Variants in PTPRM observed in about 807,000 individuals in gnomAD.
PTPRM encodes receptor-type tyrosine-protein phosphatase mu.
In PTPRM, 47 loss-of-function variants were observed where a neutral mutation model predicts 186.7. The ratio of observed to expected loss-of-function variants is 0.25; its 90% CI spans 0.20 to 0.32. PTPRM has a LOEUF of 0.32. Among genes scored for constraint, PTPRM ranks in the 10% least tolerant of loss-of-function variants. PTPRM has a pLI of 1.00. For synonymous variants in PTPRM, 668 were observed against 674.9 expected, an observed-to-expected ratio of 0.99 and a Z score of 0.16; for missense variants, 1,494 against 1,865.0, an observed-to-expected ratio of 0.80 and a Z score of 3.66.
intron 1 of PTPRM, among the ~76,000 whole-genome samples, chr18:7,669,020 T>C (rs2039158517): frequency 6.6e-6 from 1 of 152,030 alleles, no homozygotes; most frequent in South Asian, 2.1e-4. Context: ...TGACTGAGTT[T>C]CCTGAAATTC....
chr18:8,182,221 T>G (rs1317503697), intron 14 of PTPRM, among the ~76,000 whole-genome samples: 2 of 152,154 alleles, frequency 1.3e-5, no homozygotes, highest in Non-Finnish European at 2.9e-5. Context: ...TTTATTTTAT[T>G]TTTTACTTTA....
intron 2 of PTPRM, among the ~76,000 whole-genome samples, chr18:7,784,465 C>A (rs188620088): frequency 1.8e-4 from 27 of 152,272 alleles, no homozygotes; most frequent in African/African-American, 6.5e-4. Context: ...ACTCCTAAAA[C>A]TCCTTTTATC....
At chr18:7,691,626 G>GCT (rs753381973) in intron 1 of PTPRM, among the ~76,000 whole-genome samples, 1 of 152,150 alleles carries the variant, frequency 6.6e-6, no homozygotes, top group Non-Finnish European at 1.5e-5. Context: ...AGAGCGTGAG[G>GCT]CTAGGCACCA....
intron 14 of PTPRM, among the ~76,000 whole-genome samples, chr18:8,202,825 A>G (rs2093876309): frequency 6.6e-6 from 1 of 152,032 alleles, no homozygotes. Flanking sequence ...AATAAAATAT[A>G]ATTGGGCCGG....
At chr18:7,738,634 G>A (rs1419622626) in intron 1 of PTPRM, among the ~76,000 whole-genome samples, 1 of 151,438 alleles carries the variant, frequency 6.6e-6, no homozygotes, top group Non-Finnish European at 1.5e-5. Context: ...GTAGAGACGG[G>A]GTTTCACCGT....
intron 1 of PTPRM, among the ~76,000 whole-genome samples, chr18:7,601,562 A>G (rs562299080): frequency 1.1e-4 from 16 of 152,262 alleles, no homozygotes; most frequent in Admixed American, 1.3e-4. Flanking sequence ...CATCACTCCA[A>G]TCTCTGCCTC....
chr18:7,956,626 C>G (rs2053331145), intron 7 of PTPRM, among the ~76,000 whole-genome samples: 1 of 152,190 alleles, frequency 6.6e-6, no homozygotes, highest in Admixed American at 6.5e-5. Context: ...GCAGTCTGGT[C>G]CCTGGAATAA....
chr18:7,629,202 G>T (rs1411766103), intron 1 of PTPRM, among the ~76,000 whole-genome samples: 3 of 152,194 alleles, frequency 2.0e-5, no homozygotes, highest in Non-Finnish European at 4.4e-5. Context: ...TACAGGGTTT[G>T]GGAGGAAGGA....
chr18:7,952,602 AGG>A (rs1263600865), intron 6 of PTPRM, among the ~76,000 whole-genome samples: 1 of 151,846 alleles, frequency 6.6e-6, no homozygotes, highest in Non-Finnish European at 1.5e-5. Flanking sequence ...AGGCTGAGGC[AGG>A]AGAATGGTGT....
At chr18:8,115,048 A>G (rs769096136) in intron 13 of PTPRM, among the ~76,000 whole-genome samples, 3 of 145,932 alleles carry the variant, frequency 2.1e-5, no homozygotes, top group Non-Finnish European at 2.9e-5. Context: ...ATAAGAAGCT[A>G]TATTTCTGTG....
intron 1 of PTPRM, among the ~76,000 whole-genome samples, chr18:7,617,853 G>A (rs1361178849): frequency 6.6e-6 from 1 of 152,196 alleles, no homozygotes; most frequent in Non-Finnish European, 1.5e-5. Flanking sequence ...AGCATTTCTG[G>A]TTTCAATTTG....
chr18:7,819,374 C>A (rs2083561), intron 2 of PTPRM, among the ~76,000 whole-genome samples: 2 of 152,224 alleles, frequency 1.3e-5, no homozygotes, highest in African/African-American at 2.4e-5. Flanking sequence ...AAGATAGAAG[C>A]GGCTGGATGT....
chr18:8,300,339 A>G (rs16953216), intron 20 of PTPRM, among the ~76,000 whole-genome samples: 59,237 of 151,856 alleles, frequency 0.39, 13,777 homozygotes, highest in African/African-American at 0.66. Flanking sequence ...TGGGTGAGTC[A>G]TGAGCCTTCT....
rs77217362 is a variant in PTPRM at position 7,772,798 on chromosome 18, T to G, written c.74-1351T>G. Among the ~76,000 whole-genome samples the G allele has an allele frequency of 4.9e-3, 739 of 152,284 alleles. 7 individuals carry two copies. Among genetic ancestry groups the G allele is most frequent in the African/African-American group, 0.016 (668 of 41,556 alleles). ...AACAGGACACACATTGTGGACATAA[T>G]GTAAAAATATTCTTAAATTCATGTT... On this transcript the variant is annotated intron_variant, in intron 1 of 32. Transcript: ENST00000580170.
chr18:8,220,364 C>A (rs1292519480), intron 14 of PTPRM, among the ~76,000 whole-genome samples: 2 of 152,162 alleles, frequency 1.3e-5, no homozygotes, highest in East Asian at 3.8e-4. Context: ...TATCAGAGTT[C>A]TTTTACATAG....
In PTPRM at chr18:7,668,212, T is replaced by G. The variant is rs1171173354; in HGVS notation, c.73+100321T>G. 1.3e-5 allele frequency among the ~76,000 whole-genome samples: 2 copies of G among 152,192 alleles called. No homozygotes were observed. The highest frequency in any genetic ancestry group is 4.8e-5 in the African/African-American group (2 of 41,452). On this transcript the variant is annotated intron_variant, in intron 1 of 32. Transcript: ENST00000580170. This position sits in a 1 kb window ranked among gnomAD's most constrained non-coding sequence, Gnocchi z 4.7. ...ATGGTGAGGAGCTGCACCACGGTGG[T>G]GCCCGCAGACGCTGCTTCGTGTCCC... is the stretch of plus-strand genomic sequence containing the variant.
At chr18:7,802,270 G>T (rs1221829847) in intron 2 of PTPRM, among the ~76,000 whole-genome samples, 1 of 152,212 alleles carries the variant, frequency 6.6e-6, no homozygotes, top group African/African-American at 2.4e-5. Context: ...CCTAAAGAAA[G>T]GAGTAAATGT....
chr18:7,636,304 G>A (rs2038311183), intron 1 of PTPRM, among the ~76,000 whole-genome samples: 1 of 152,140 alleles, frequency 6.6e-6, no homozygotes. Context: ...GCTTTTTATG[G>A]ATGGCTTAGT....
intron 4 of PTPRM, among the ~76,000 whole-genome samples, chr18:7,916,719 A>G (rs1047667531): frequency 6.6e-6 from 1 of 152,210 alleles, no homozygotes; most frequent in Non-Finnish European, 1.5e-5. Flanking sequence ...AAACATGTAT[A>G]CAATGTATAA....
Sources: allele counts gnomAD v4.1 joint callset (sites outside exome capture counted in the v4.1 genomes callset), GRCh38; gene constraint gnomAD v4.1.1; non-coding constraint Gnocchi (gnomAD v3.1); transcripts MANE v1.5; gene names NCBI Gene and HGNC (gene_info 2026-07-23, HGNC 2026-07-21).